PCYT1B: variants seen among roughly 807,000 people sequenced by gnomAD.
PCYT1B encodes phosphate cytidylyltransferase 1B, choline.
A neutral mutation model predicts 26.4 loss-of-function variants in PCYT1B; 10 were observed. The ratio of observed to expected loss-of-function variants is 0.38; its 90% CI spans 0.23 to 0.64. PCYT1B has a LOEUF of 0.64. Among genes scored for constraint, PCYT1B ranks in the 30% least tolerant of loss-of-function variants. The pLI, the probability that PCYT1B is intolerant of heterozygous loss-of-function variation, is 0.56. For missense variants in PCYT1B, 161 were observed against 292.7 expected (o/e 0.55, Z 3.28); for synonymous variants, 131 against 108.4 (o/e 1.21, Z -1.29).
intron 2 of PCYT1B, among the ~76,000 whole-genome samples, chrX:24,613,964 AAAAAAAAAAAAAAAG>A (rs1348861521): frequency 0.016 from 332 of 21,175 alleles, 3 homozygotes; most frequent in Middle Eastern, 0.061. Context: ...AAAAAAAAAA[AAAAAAAAAAAAAAAG>A]AAAGAAAGAG....
Position 24,626,809 on chromosome X carries a change from T to C in PCYT1B, c.118-7725A>G, listed in dbSNP as rs1367324368. Among the ~76,000 whole-genome samples, 4 of 112,024 alleles carry C rather than the reference T, an allele frequency of 3.6e-5. No homozygotes were observed. In the East Asian group the frequency reaches 1.1e-3, roughly 31 times the overall value. ...CATTTTTCTAACATCAGACAAACAC[T>C]TTTTGAGTCCTTGCTGTGTGCCAGG... On this transcript the variant is annotated intron_variant, in intron 1 of 7. Transcript: ENST00000379144.
At chrX:24,630,975 T>A (rs1926064754) in intron 1 of PCYT1B, among the ~76,000 whole-genome samples, 2 of 111,250 alleles carry the variant, frequency 1.8e-5, no homozygotes, top group African/African-American at 3.3e-5. Flanking sequence ...CAGGCTGGAG[T>A]GCAGTGGCGC....
chrX:24,562,771 A>G (rs1923476717), intron 7 of PCYT1B, among the ~76,000 whole-genome samples: 2 of 104,989 alleles, frequency 1.9e-5, no homozygotes, highest in Admixed American at 2.1e-4. Context: ...TCTGTCACCC[A>G]AGCTGGAGTG....
At chrX:24,618,464 C>G (rs1197340285) in intron 2 of PCYT1B, among the ~76,000 whole-genome samples, 1 of 111,228 alleles carries the variant, frequency 9.0e-6, no homozygotes, top group African/African-American at 3.3e-5. Flanking sequence ...GCTCAAACTC[C>G]CTGTATTCTG....
At chrX:24,670,111 A>AG (rs58794368) in intron 1 of PCYT1B, among the ~76,000 whole-genome samples, 2,254 of 72,963 alleles carry the variant, frequency 0.031, 29 homozygotes, top group Non-Finnish European at 0.041. Context: ...AAAGAAAGAA[A>AG]GAAAGGAAGG....
At chrX:24,654,100 CTTTTTTTTTTTT>C (rs35924266) in intron 1 of PCYT1B, among the ~76,000 whole-genome samples, 1 of 33,107 alleles carries the variant, frequency 3.0e-5, no homozygotes, top group Non-Finnish European at 6.5e-5. Flanking sequence ...TTCTTTCTTT[CTTTTTTTTTTTT>C]TTTTTTTTGA....
At position 24,655,781 on chromosome X, in the gene PCYT1B, G is replaced by A. The variant is rs771749380; in HGVS notation, c.63+16789C>T. On this transcript the variant is annotated intron_variant, in intron 1 of 7. Coordinates refer to the PCYT1B transcript ENST00000379145. ...CCTGGGTGACAGAGTGAGACCCTGT[G>A]TCAAAAACAAAACAAAACACAGTTG... 6.5e-5 allele frequency among the ~76,000 whole-genome samples: 7 copies of A among 107,725 alleles called. No homozygotes were observed. In the East Asian group the frequency reaches 2.1e-3, roughly 32 times the overall value. 93.5% of individuals were successfully genotyped at this position (107,725 alleles called of 115,157 possible).
intron 3 of PCYT1B, among the ~76,000 whole-genome samples, chrX:24,597,585 C>A (rs1355350342): frequency 8.9e-6 from 1 of 112,156 alleles, no homozygotes; most frequent in East Asian, 2.8e-4. Context: ...ACCACCCAAA[C>A]CTTAATATGT....
At chrX:24,619,176 G>T in intron 1 of PCYT1B, 92 bp from the exon 2 acceptor site, 1 of 613,900 alleles carries the variant, frequency 1.6e-6, no homozygotes, top group Non-Finnish European at 2.8e-6. Context: ...GGCTACACAG[G>T]TATGATTAAG....
chrX:24,584,625 C>T (rs755319744), intron 5 of PCYT1B, among the ~76,000 whole-genome samples: 63 of 112,294 alleles, frequency 5.6e-4, no homozygotes, highest in African/African-American at 2.0e-3. Context: ...CCAGGCTGGC[C>T]CACAAGGAGT....
intron 1 of PCYT1B, among the ~76,000 whole-genome samples, chrX:24,671,008 C>T (rs1253908602): frequency 1.8e-5 from 2 of 110,592 alleles, no homozygotes; most frequent in East Asian, 5.6e-4. Flanking sequence ...CACTCTGTTA[C>T]CCAGTCTGGA....
rs1450229869 is a variant in PCYT1B at position 24,616,259 on chromosome X, A to T, written c.217+2726T>A. 4.2e-5 allele frequency among the ~76,000 whole-genome samples: 4 copies of T among 94,385 alleles called. No homozygotes were observed. In the Admixed American group the frequency reaches 4.8e-4, roughly 11 times the overall value. The allele number at this position is 94,385 out of a possible 115,157, so 82.0% of individuals were successfully genotyped here. A position where few individuals can be genotyped will look rare whatever the true frequency, so the allele number is the denominator to read the frequency against. On this transcript the variant is annotated intron_variant, in intron 2 of 7. Transcript: ENST00000379144. ...TTTTTTTTTTTTTTTTTTTAAAAAA[A>T]CAGAGTCTTGCGCTGTCGCCTAGGC...
chrX:24,621,711 G>A (rs1304811604), intron 1 of PCYT1B: 1 of 152,521 alleles, frequency 6.6e-6, no homozygotes. Flanking sequence ...AGTGGGATTA[G>A]CTTACATTAA....
chrX:24,649,262 T>C, upstream of PCYT1B, among the ~76,000 whole-genome samples: 1 of 111,706 alleles, frequency 9.0e-6, no homozygotes, highest in Middle Eastern at 4.6e-3. Flanking sequence ...GCAAATGACA[T>C]GGTTATTCTA....
intron 1 of PCYT1B, among the ~76,000 whole-genome samples, chrX:24,657,645 A>G (rs1926949702): frequency 8.9e-6 from 1 of 111,883 alleles, no homozygotes. Flanking sequence ...TTAATAATCT[A>G]ACCAGGTTCA....
At chrX:24,576,292 T>C (rs1181969957) in intron 6 of PCYT1B, among the ~76,000 whole-genome samples, 1 of 112,019 alleles carries the variant, frequency 8.9e-6, no homozygotes, top group East Asian at 2.8e-4. Context: ...GGACTAAAGT[T>C]CATTTTGTGT....
chrX:24,650,703 G>T (rs1926746027), upstream of PCYT1B, among the ~76,000 whole-genome samples: 1 of 112,127 alleles, frequency 8.9e-6, no homozygotes, highest in Non-Finnish European at 1.9e-5. Flanking sequence ...TTCCATAGAG[G>T]ATATTTGTCA....
At chrX:24,637,369 C>T (rs1383278704) in intron 1 of PCYT1B, among the ~76,000 whole-genome samples, 1 of 102,926 alleles carries the variant, frequency 9.7e-6, no homozygotes, top group African/African-American at 3.7e-5. Flanking sequence ...GGGCCGGGCA[C>T]GGTGGCTCAC....
exon 1 of PCYT1B, chrX:24,672,591 G>T: frequency 8.3e-7 from 1 of 1,206,899 alleles, no homozygotes; most frequent in African/African-American, 1.7e-5. Flanking sequence ...ATTGGGGAGC[G>T]CGATTGTCCT....
Sources: gnomAD v4.1 joint callset for allele counts (sites outside exome capture counted in the v4.1 genomes callset) on GRCh38, gnomAD v4.1.1 for gene constraint, MANE v1.5 for transcripts, NCBI Gene and HGNC (gene_info 2026-07-23, HGNC 2026-07-21) for gene names.